ITPR2: variants seen among roughly 807,000 people sequenced by gnomAD.
ITPR2 encodes inositol 1,4,5-trisphosphate receptor type 2, also known as inositol 1,4,5-trisphosphate-gated calcium channel ITPR2.
Under a neutral mutation model 317.1 loss-of-function variants are expected in ITPR2, and 207 were observed. The observed-to-expected ratio is 0.65, with a 90% CI of 0.58 to 0.73. ITPR2 has a LOEUF of 0.73. Among genes scored for constraint, ITPR2 ranks in the 30% least tolerant of loss-of-function variants. The pLI, the probability that ITPR2 is intolerant of heterozygous loss-of-function variation, is 0.00. For synonymous variants in ITPR2, 1,156 were observed against 1,149.1 expected, an observed-to-expected ratio of 1.01 and a Z score of -0.12; for missense variants, 2,613 against 3,284.0, an observed-to-expected ratio of 0.80 and a Z score of 4.99.
chr12:26,479,310 A>G (rs7979933), intron 43 of ITPR2, among the ~76,000 whole-genome samples: 128,761 of 151,902 alleles, frequency 0.85, 55,019 homozygotes, highest in Non-Finnish European at 0.91. Context: ...TTGAATAGTT[A>G]ATAATATCTT....
chr12:26,352,915 C>A (rs1357788999), intron 55 of ITPR2, among the ~76,000 whole-genome samples: 1 of 152,218 alleles, frequency 6.6e-6, no homozygotes, highest in African/African-American at 2.4e-5. Context: ...TTGAAATCAA[C>A]CCTGGTGGGA....
At position 26,562,971 on chromosome 12, in the gene ITPR2, A is replaced by T. The variant is rs1944861008; in HGVS notation, c.4631-1019T>A. The stretch of plus-strand genomic sequence containing the variant: ...GAAGAAAAACTTGTATAGCAAAAAA[A>T]AAAGACAAAGGTAAGATACAAAGGA... On this transcript the variant is annotated intron_variant, in intron 34 of 56. Transcript: ENST00000381340. Among the ~76,000 whole-genome samples, 14 of 152,302 alleles carry T rather than the reference A, an allele frequency of 9.2e-5. No homozygotes were observed. In the South Asian group the frequency reaches 2.9e-3, roughly 32 times the overall value.
At chr12:26,659,948 C>T (rs575703909) in intron 15 of ITPR2, among the ~76,000 whole-genome samples, 34 of 152,166 alleles carry the variant, frequency 2.2e-4, no homozygotes, top group Non-Finnish European at 4.3e-4. Context: ...CCAAACAGGG[C>T]AATGTGATTA....
chr12:26,487,385 C>G, intron 39 of ITPR2, 134 bp from the exon 40 acceptor site: 2 of 601,222 alleles, frequency 3.3e-6, no homozygotes, highest in Non-Finnish European at 5.6e-6. Flanking sequence ...CATAAATTGA[C>G]AGCCTTTGCC....
chr12:26,725,946 T>C, intron 2 of ITPR2, 181 bp from the exon 3 acceptor site: 1 of 477,400 alleles, frequency 2.1e-6, no homozygotes, highest in South Asian at 3.6e-5. Flanking sequence ...AATAATTATC[T>C]AGACTCAGTT....
intron 2 of ITPR2, among the ~76,000 whole-genome samples, chr12:26,759,592 C>T (rs935934152): frequency 6.6e-6 from 1 of 152,184 alleles, no homozygotes; most frequent in Admixed American, 6.5e-5. Context: ...AGAGCTGGAA[C>T]ACACAATCTT....
At chr12:26,588,893 A>G (rs1945610411) in intron 32 of ITPR2, among the ~76,000 whole-genome samples, 1 of 152,208 alleles carries the variant, frequency 6.6e-6, no homozygotes. Context: ...TCCTTATAGG[A>G]TCCTGACATT....
intron 9 of ITPR2, among the ~76,000 whole-genome samples, chr12:26,699,569 C>T (rs189433904): frequency 9.2e-5 from 14 of 152,240 alleles, no homozygotes; most frequent in African/African-American, 3.4e-4. Context: ...GTCTCTCAGG[C>T]TGCAATATGA....
intron 37 of ITPR2, among the ~76,000 whole-genome samples, chr12:26,502,437 C>T (rs1440704514): frequency 6.6e-6 from 1 of 152,222 alleles, no homozygotes; most frequent in Non-Finnish European, 1.5e-5. Context: ...TAACATAAAT[C>T]AGTGCCTCAT....
chr12:26,463,933 C>A (rs1277467192), intron 45 of ITPR2, among the ~76,000 whole-genome samples: 4 of 152,162 alleles, frequency 2.6e-5, no homozygotes, highest in Admixed American at 1.3e-4. Context: ...TAAATATTGC[C>A]CCCATCTCTG....
At chr12:26,696,781 C>T (rs898180582) in intron 9 of ITPR2, among the ~76,000 whole-genome samples, 3 of 152,174 alleles carry the variant, frequency 2.0e-5, no homozygotes, top group East Asian at 3.8e-4. Context: ...TCAGTTTGAA[C>T]GCTGACGTAG....
At chr12:26,494,477 T>C (rs924723559) in intron 38 of ITPR2, 137 bp from the exon 39 acceptor site, 1 of 581,906 alleles carries the variant, frequency 1.7e-6, no homozygotes, top group Non-Finnish European at 2.6e-6. Flanking sequence ...TTAAATATAA[T>C]AGAAGCTTGA....
chr12:26,639,543 A>C (rs941707785), intron 21 of ITPR2, among the ~76,000 whole-genome samples: 1 of 151,728 alleles, frequency 6.6e-6, no homozygotes, highest in African/African-American at 2.4e-5. Flanking sequence ...ATATGTATAC[A>C]TGTGCCATGT....
chr12:26,717,127 A>G (rs1652046818), intron 5 of ITPR2, among the ~76,000 whole-genome samples: 1 of 152,224 alleles, frequency 6.6e-6, no homozygotes, highest in South Asian at 2.1e-4. Flanking sequence ...TCTCACTTAA[A>G]GAATTGATCA....
At chr12:26,502,032 C>T (rs1046959636) in intron 37 of ITPR2, among the ~76,000 whole-genome samples, 1 of 152,174 alleles carries the variant, frequency 6.6e-6, no homozygotes, top group Non-Finnish European at 1.5e-5. Context: ...ATCCTAGCCT[C>T]AAGACAAACA....
At chr12:26,575,728 T>C (rs904696074) in intron 34 of ITPR2, among the ~76,000 whole-genome samples, 1 of 152,238 alleles carries the variant, frequency 6.6e-6, no homozygotes, top group African/African-American at 2.4e-5. Context: ...ATAAAAGATG[T>C]ATTTAGACTA....
At chr12:26,721,328 C>T (rs780181330) in intron 5 of ITPR2, 2 of 613,822 alleles carry the variant, frequency 3.3e-6, no homozygotes, top group South Asian at 4.1e-5. Context: ...CAAATTAAAT[C>T]CAGAAGCTTG....
At chr12:26,376,328 C>G (rs981931196) in intron 55 of ITPR2, among the ~76,000 whole-genome samples, 2 of 152,186 alleles carry the variant, frequency 1.3e-5, no homozygotes, top group African/African-American at 4.8e-5. Context: ...CACATCTCCT[C>G]AACTTATTCC....
intron 34 of ITPR2, among the ~76,000 whole-genome samples, chr12:26,575,082 G>A (rs117305129): frequency 3.8e-4 from 57 of 150,794 alleles, no homozygotes; most frequent in Admixed American, 3.6e-3. Context: ...AGCCAAGGGT[G>A]GCTATGGAGG....
Sources: allele counts gnomAD v4.1 joint callset (sites outside exome capture counted in the v4.1 genomes callset), GRCh38; gene constraint gnomAD v4.1.1; transcripts MANE v1.5; gene names NCBI Gene and HGNC (gene_info 2026-07-23, HGNC 2026-07-21).